UNC13C: variants seen among roughly 807,000 people sequenced by gnomAD.
UNC13C encodes protein unc-13 homolog C.
UNC13C carries 174 observed loss-of-function variants against 245.4 expected under a neutral mutation model. The ratio of observed to expected loss-of-function variants is 0.71; its 90% CI spans 0.63 to 0.80. UNC13C has a LOEUF of 0.80. Ranked by LOEUF, UNC13C falls within the 30% of genes least tolerant of loss-of-function variation. The pLI, the probability that UNC13C is intolerant of heterozygous loss-of-function variation, is 0.00. For synonymous variants in UNC13C, 992 were observed against 895.1 expected (o/e 1.11, Z -1.93); for missense variants, 2,829 against 2,602.9 (o/e 1.09, Z -1.89).
At chr15:54,134,049 CGTGTGTGT>C (rs3082223) in intron 2 of UNC13C, among the ~76,000 whole-genome samples, 12 of 149,474 alleles carry the variant, frequency 8.0e-5, no homozygotes, top group Non-Finnish European at 1.5e-4. Flanking sequence ...TACTGAGTTA[CGTGTGTGT>C]GTGTGTGTGT....
At chr15:54,207,009 C>A (rs1431552730) in intron 4 of UNC13C, among the ~76,000 whole-genome samples, 2 of 152,106 alleles carry the variant, frequency 1.3e-5, no homozygotes, top group East Asian at 3.9e-4. Flanking sequence ...AGCAAAAATA[C>A]CGTGGGCCCT....
At chr15:54,144,307 TA>T (rs1309225801) in intron 4 of UNC13C, among the ~76,000 whole-genome samples, 3 of 142,190 alleles carry the variant, frequency 2.1e-5, no homozygotes, top group Non-Finnish European at 4.6e-5. Flanking sequence ...TGTGTTCATA[TA>T]AAATAAGTAG....
chr15:53,936,646 G>C, the UNC13C span, among the ~76,000 whole-genome samples: 2 of 152,292 alleles, frequency 1.3e-5, no homozygotes, highest in Admixed American at 6.5e-5. Flanking sequence ...GTGCCCCTCT[G>C]GGACAGAGCT....
chr15:54,169,986 C>G (rs1039922537), intron 4 of UNC13C, among the ~76,000 whole-genome samples: 3 of 92,854 alleles, frequency 3.2e-5, no homozygotes, highest in Non-Finnish European at 6.1e-5. Context: ...GGACAATATC[C>G]TTTTTCTTTT....
intron 1 of UNC13C, among the ~76,000 whole-genome samples, chr15:53,990,639 G>A (rs1894344569): frequency 1.3e-5 from 2 of 152,040 alleles, no homozygotes; most frequent in African/African-American, 4.8e-5. Context: ...TATAGTTTAA[G>A]TGGATTCAAG....
the UNC13C span, among the ~76,000 whole-genome samples, chr15:53,940,154 A>C: frequency 6.6e-6 from 1 of 152,110 alleles, no homozygotes; most frequent in Non-Finnish European, 1.5e-5. Flanking sequence ...GCACTTAGAT[A>C]AGGGCTTAGA....
intron 28 of UNC13C, among the ~76,000 whole-genome samples, chr15:54,553,106 TGTATTCTATATTACAATATATAATATATA>T: frequency 1.1e-5 from 1 of 88,782 alleles, no homozygotes; most frequent in Admixed American, 1.7e-4. Flanking sequence ...TAATATATAT[TGTATTCTATATTACAATATATAATATATA>T]GTATTCTATA....
At chr15:54,461,239 A>G (rs1434116383) in intron 19 of UNC13C, among the ~76,000 whole-genome samples, 5 of 152,166 alleles carry the variant, frequency 3.3e-5, no homozygotes, top group African/African-American at 9.7e-5. Context: ...AATGTTCTCA[A>G]ATTTGGCATT....
At chr15:53,943,799 T>C in the UNC13C span, among the ~76,000 whole-genome samples, 1 of 152,178 alleles carries the variant, frequency 6.6e-6, no homozygotes, top group Non-Finnish European at 1.5e-5. Context: ...CTGTATTTGG[T>C]ACATGTACGT....
At chr15:54,517,108 A>G (rs1210782858) in intron 24 of UNC13C, among the ~76,000 whole-genome samples, 2 of 152,136 alleles carry the variant, frequency 1.3e-5, no homozygotes, top group Admixed American at 6.5e-5. Context: ...GTTATAGTTA[A>G]CAGAGGCCAA....
intron 1 of UNC13C, among the ~76,000 whole-genome samples, chr15:53,996,108 G>A (rs1250478675): frequency 6.6e-6 from 1 of 152,214 alleles, no homozygotes. Flanking sequence ...ATTCCTAGAG[G>A]TGGTGAGAAG....
At chr15:53,895,232 C>T in the UNC13C span, among the ~76,000 whole-genome samples, 2 of 149,870 alleles carry the variant, frequency 1.3e-5, no homozygotes, top group Non-Finnish European at 3.0e-5. Flanking sequence ...GGTGTGGTCG[C>T]AGGCGTCTGT....
intron 2 of UNC13C, among the ~76,000 whole-genome samples, chr15:54,058,835 A>G (rs1473882899): frequency 4.6e-5 from 7 of 152,230 alleles, no homozygotes; most frequent in Non-Finnish European, 8.8e-5. Flanking sequence ...GTAATCCAGC[A>G]TATAAACAGA....
At chr15:54,268,116 C>T (rs576659365) in intron 10 of UNC13C, among the ~76,000 whole-genome samples, 14 of 151,940 alleles carry the variant, frequency 9.2e-5, no homozygotes, top group Non-Finnish European at 8.8e-5. Flanking sequence ...CCTCCACTTG[C>T]GCCCCACCCC....
Position 54,423,443 on chromosome 15 carries a change from C to T in UNC13C, c.4933+8376C>T, listed in dbSNP as rs188077058. ...TACAGCATATAGATAATTTCCCCAGCAATATTTGGAATTTGACACAATTTG... is the reference window on the plus strand; with the variant it reads ...TACAGCATATAGATAATTTCCCCAGTAATATTTGGAATTTGACACAATTTG... On this transcript the variant is annotated intron_variant, in intron 19 of 32. Transcript: ENST00000260323. 6.6e-5 allele frequency among the ~76,000 whole-genome samples: 10 copies of T among 151,862 alleles called. No individual in the cohort carries two copies. The East Asian group carries it at 1.9e-3, about 29-fold the overall frequency.
At chr15:53,935,668 G>T in the UNC13C span, among the ~76,000 whole-genome samples, 2 of 152,290 alleles carry the variant, frequency 1.3e-5, no homozygotes, top group East Asian at 3.9e-4. Flanking sequence ...CCCACAGAGG[G>T]TGAGGAAAAG....
At chr15:54,298,007 A>G in intron 12 of UNC13C, 81 bp downstream of exon 12, 1 of 1,017,278 alleles carries the variant, frequency 9.8e-7, no homozygotes, top group Non-Finnish European at 1.5e-6. Context: ...TTTGGTTTAA[A>G]AATCATTGAA....
intron 32 of UNC13C, among the ~76,000 whole-genome samples, chr15:54,624,689 G>A (rs938474166): frequency 1.3e-5 from 2 of 152,152 alleles, no homozygotes; most frequent in African/African-American, 4.8e-5. Flanking sequence ...CCAGGCAATA[G>A]CTATTAGTGA....
rs28716415 is a variant in UNC13C at position 54,107,553 on chromosome 15, C to T, written c.2984-35465C>T. ...GTCTACAGGAGAGGAAGTGAAGTAA[C>T]GCAGTTTTTAAAGTTTATGATATTA... is the stretch of plus-strand genomic sequence containing the variant. On this transcript the variant is annotated intron_variant, in intron 2 of 32. Transcript: ENST00000260323. 7.9e-3 allele frequency among the ~76,000 whole-genome samples: 1,199 copies of T among 152,154 alleles called. 15 individuals are homozygous for T. The highest frequency in any genetic ancestry group is 0.028 in the African/African-American group (1,148 of 41,520).
Sources: allele counts gnomAD v4.1 joint callset (sites outside exome capture counted in the v4.1 genomes callset), GRCh38; gene constraint gnomAD v4.1.1; transcripts MANE v1.5; gene names NCBI Gene and HGNC (gene_info 2026-07-23, HGNC 2026-07-21).